WWOX: variants seen among roughly 807,000 people sequenced by gnomAD.
The protein encoded by WWOX is WW domain-containing oxidoreductase.
WWOX carries 69 observed loss-of-function variants against 46.2 expected under a neutral mutation model. That is an observed-to-expected ratio of 1.49 (90% confidence interval 1.23 to 1.82). The LOEUF is 1.82. WWOX is among the 40% of genes most tolerant of loss of function. The probability of loss-of-function intolerance (pLI) is 0.00; values close to 1 mark genes in which losing one functional copy is unlikely to be tolerated. For synonymous variants in WWOX, 359 were observed against 202.6 expected, an observed-to-expected ratio of 1.77 and a Z score of -6.56; for missense variants, 919 against 542.6, an observed-to-expected ratio of 1.69 and a Z score of -6.89.
chr16:78,325,723 A>T (rs968591107), intron 5 of WWOX, among the ~76,000 whole-genome samples: 2 of 152,172 alleles, frequency 1.3e-5, no homozygotes, highest in Non-Finnish European at 2.9e-5. Context: ...TTTTCATGGG[A>T]CTGTAACCTG....
intron 8 of WWOX, among the ~76,000 whole-genome samples, chr16:78,710,500 T>TATATATATATATATATATATATATATATA (rs1567507587): frequency 2.0e-4 from 14 of 68,576 alleles, no homozygotes; most frequent in South Asian, 4.4e-4. Flanking sequence ...ATATATATAT[T>TATATATATATATATATATATATATATATA]TATATAAATA....
At chr16:78,195,143 G>A (rs745980334) in intron 5 of WWOX, among the ~76,000 whole-genome samples, 2 of 152,132 alleles carry the variant, frequency 1.3e-5, no homozygotes, top group Non-Finnish European at 2.9e-5. Flanking sequence ...GTGCCTGCTG[G>A]TACTTCACCC....
At chr16:78,916,991 C>G (rs149558381) in intron 8 of WWOX, among the ~76,000 whole-genome samples, 1 of 152,128 alleles carries the variant, frequency 6.6e-6, no homozygotes, top group African/African-American at 2.4e-5. Context: ...TTATTTTTCT[C>G]AGCATTGGCA....
At chr16:78,917,021 C>G (rs1244259419) in intron 8 of WWOX, among the ~76,000 whole-genome samples, 1 of 152,200 alleles carries the variant, frequency 6.6e-6, no homozygotes, top group East Asian at 1.9e-4. Context: ...GACAAGCTCA[C>G]TCCTTGGGTC....
intron 8 of WWOX, among the ~76,000 whole-genome samples, chr16:78,764,641 C>T (rs1468631407): frequency 6.8e-6 from 1 of 147,508 alleles, no homozygotes; most frequent in African/African-American, 2.5e-5. Context: ...CCTGGCTTTC[C>T]AACATTACCT....
At chr16:78,271,838 G>T (rs376634013) in intron 5 of WWOX, among the ~76,000 whole-genome samples, 1 of 152,104 alleles carries the variant, frequency 6.6e-6, no homozygotes, top group African/African-American at 2.4e-5. Flanking sequence ...AGGACATTTT[G>T]GTAGCAGTCA....
At position 78,100,898 on chromosome 16, in the gene WWOX, C is replaced by G. The variant is rs116301816; in HGVS notation, c.107+1013C>G. Among the ~76,000 whole-genome samples, 535 of 152,278 alleles carry G rather than the reference C, an allele frequency of 3.5e-3. 8 individuals are homozygous for G. The highest frequency in any genetic ancestry group is 0.011 in the African/African-American group (474 of 41,550). On this transcript the variant is annotated intron_variant, in intron 1 of 8. Coordinates refer to ENST00000566780, the MANE Select transcript of WWOX (RefSeq NM_016373.4). ...CATAGAGAACCTACTGTAGCCGACTCTCAACTTTGGGAGTCTCTTTTTTTA... is the reference window on the plus strand; with the variant it reads ...CATAGAGAACCTACTGTAGCCGACTGTCAACTTTGGGAGTCTCTTTTTTTA...
At chr16:79,027,737 GTC>G (rs58421987) in intron 8 of WWOX, among the ~76,000 whole-genome samples, 9,378 of 151,710 alleles carry the variant, frequency 0.062, 418 homozygotes, top group Middle Eastern at 0.13. Context: ...TATACAGAAT[GTC>G]TCTTTTTTGA....
At chr16:78,643,842 C>T (rs1013968316) in intron 8 of WWOX, among the ~76,000 whole-genome samples, 3 of 136,064 alleles carry the variant, frequency 2.2e-5, no homozygotes, top group Admixed American at 7.5e-5. Context: ...AAAAAAAAAA[C>T]TTTCTTCCCA....
At chr16:78,635,597 G>C (rs752357562) in intron 8 of WWOX, among the ~76,000 whole-genome samples, 1 of 152,118 alleles carries the variant, frequency 6.6e-6, no homozygotes, top group Non-Finnish European at 1.5e-5. Context: ...TGAAGATGTT[G>C]GTTATTTCTT....
chr16:78,753,451 G>A (rs1272231570), intron 8 of WWOX, among the ~76,000 whole-genome samples: 1 of 152,134 alleles, frequency 6.6e-6, no homozygotes. Flanking sequence ...ATACTTCTCA[G>A]TTTTCTTTGT....
intron 8 of WWOX, among the ~76,000 whole-genome samples, chr16:79,038,454 AAAG>A (rs946980462): frequency 5.3e-5 from 8 of 152,208 alleles, no homozygotes; most frequent in African/African-American, 1.4e-4. Context: ...CACAGAAAAA[AAAG>A]ACTGGAAGGA....
chr16:78,195,948 G>C (rs535349831), intron 5 of WWOX, among the ~76,000 whole-genome samples: 1 of 152,000 alleles, frequency 6.6e-6, no homozygotes, highest in African/African-American at 2.4e-5. Context: ...TTTTGAGCCC[G>C]GGAGTGCAAG....
intron 8 of WWOX, among the ~76,000 whole-genome samples, chr16:78,674,012 G>A (rs191132676): frequency 1.5e-3 from 223 of 152,094 alleles, no homozygotes; most frequent in African/African-American, 4.8e-3. Flanking sequence ...GCAAGAGACC[G>A]CTTGAAATTT....
intron 8 of WWOX, among the ~76,000 whole-genome samples, chr16:78,739,426 A>G (rs2049164057): frequency 6.6e-6 from 1 of 152,166 alleles, no homozygotes; most frequent in Non-Finnish European, 1.5e-5. Flanking sequence ...AAGGCACACT[A>G]CACATCTTCG....
At chr16:78,105,314 T>TA (rs1234870017) in intron 1 of WWOX, among the ~76,000 whole-genome samples, 1 of 152,038 alleles carries the variant, frequency 6.6e-6, no homozygotes, top group Non-Finnish European at 1.5e-5. Flanking sequence ...ATACAAAAAT[T>TA]ATCCCGGCAT....
At chr16:79,088,101 TG>T (rs1331125286) in intron 8 of WWOX, among the ~76,000 whole-genome samples, 1 of 152,170 alleles carries the variant, frequency 6.6e-6, no homozygotes, top group Non-Finnish European at 1.5e-5. Context: ...CTGGTACTCT[TG>T]ACTCTCTCAG....
intron 8 of WWOX, among the ~76,000 whole-genome samples, chr16:78,890,040 G>A (rs1005258126): frequency 6.6e-6 from 1 of 151,590 alleles, no homozygotes; most frequent in Non-Finnish European, 1.5e-5. Context: ...GAAACCAAGT[G>A]GCACAAAAAC....
intron 8 of WWOX, among the ~76,000 whole-genome samples, chr16:79,049,176 C>T (rs898546873): frequency 1.3e-5 from 2 of 152,228 alleles, no homozygotes; most frequent in Non-Finnish European, 2.9e-5. Context: ...CTATTCAGTT[C>T]TGCCAGTGTA....
Sources: allele counts gnomAD v4.1 joint callset (sites outside exome capture counted in the v4.1 genomes callset), GRCh38; gene constraint gnomAD v4.1.1; transcripts MANE v1.5; gene names NCBI Gene and HGNC (gene_info 2026-07-23, HGNC 2026-07-21).